ZNF514: variants seen among roughly 807,000 people sequenced by gnomAD.
The protein encoded by ZNF514 is zinc finger protein 514.
In ZNF514, 12 loss-of-function variants were observed where a neutral mutation model predicts 9.7. That is an observed-to-expected ratio of 1.24 (90% CI 0.79 to 2.01). ZNF514 has a LOEUF of 2.01. Among genes scored for constraint, ZNF514 ranks in the 30% most tolerant of loss-of-function variants. ZNF514 has a pLI of 0.00. For missense variants in ZNF514, 467 were observed against 465.5 expected (o/e 1.00, Z -0.03); for synonymous variants, 158 against 163.7 (o/e 0.97, Z 0.27).
the ZNF514 span, among the ~76,000 whole-genome samples, chr2:95,125,995 G>A: frequency 6.6e-6 from 1 of 152,150 alleles, no homozygotes; most frequent in African/African-American, 2.4e-5. Context: ...ATGATTTTGT[G>A]TGGCTATAAG....
chr2:95,141,658 T>G (rs940730167), downstream of ZNF514, among the ~76,000 whole-genome samples: 1 of 152,102 alleles, frequency 6.6e-6, no homozygotes, highest in Non-Finnish European at 1.5e-5. Context: ...ACTGGAAGAG[T>G]CATCCAAGAA....
the ZNF514 span, among the ~76,000 whole-genome samples, chr2:95,136,264 CT>C: frequency 1.9e-4 from 28 of 147,162 alleles, no homozygotes; most frequent in Admixed American, 2.7e-4. Context: ...ATCTACAATG[CT>C]TTTTTTTTTG....
chr2:95,156,852 G>A (rs1354205314), intron 2 of ZNF514, among the ~76,000 whole-genome samples: 2 of 152,124 alleles, frequency 1.3e-5, no homozygotes, highest in African/African-American at 4.8e-5. Flanking sequence ...CAGGGACCCA[G>A]CTTCAAATAG....
At chr2:95,132,344 C>T in the ZNF514 span, among the ~76,000 whole-genome samples, 2 of 152,010 alleles carry the variant, frequency 1.3e-5, no homozygotes, top group African/African-American at 2.4e-5. Context: ...AAAAGATGTA[C>T]AGAAGGCAAA....
the ZNF514 span, among the ~76,000 whole-genome samples, chr2:95,127,589 GTTT>G: frequency 6.6e-6 from 1 of 151,498 alleles, no homozygotes; most frequent in Non-Finnish European, 1.5e-5. Context: ...TTGTTTTTTT[GTTT>G]TTGTTTTTGT....
At position 95,159,590 on chromosome 2, in the gene ZNF514, C is replaced by G. The variant is rs1438365361; in HGVS notation, c.-446G>C. 2 of 126,604 alleles carry G rather than the reference C, an allele frequency of 1.6e-5. No homozygotes were observed. Among genetic ancestry groups the G allele is most frequent in the African/African-American group, 6.0e-5 (2 of 33,394 alleles). 7.8% of individuals were successfully genotyped at this position (126,604 alleles called of 1,614,324 possible). A position where few individuals can be genotyped will look rare whatever the true frequency, so the allele number is the denominator to read the frequency against. On this transcript the variant is annotated 5_prime_UTR_variant, in exon 1 of 5. Transcript: ENST00000295208. ...TCCGAACGCTCACAGGACCAGGCCCCGCCCGCCACCCCGCGCCAGCCCCCG... is the reference window on the plus strand; with the variant it reads ...TCCGAACGCTCACAGGACCAGGCCCGGCCCGCCACCCCGCGCCAGCCCCCG...
downstream of ZNF514, among the ~76,000 whole-genome samples, chr2:95,143,491 T>C (rs1020849778): frequency 6.6e-6 from 1 of 152,056 alleles, no homozygotes; most frequent in Non-Finnish European, 1.5e-5. Context: ...TGGTGGTGCA[T>C]GTCTGTAATC....
At chr2:95,129,951 T>C in the ZNF514 span, among the ~76,000 whole-genome samples, 1 of 152,182 alleles carries the variant, frequency 6.6e-6, no homozygotes, top group Admixed American at 6.5e-5. Context: ...AAGAGACACC[T>C]AAGAGGCCTC....
intron 4 of ZNF514, among the ~76,000 whole-genome samples, chr2:95,150,491 T>C (rs1385809199): frequency 1.3e-5 from 2 of 152,128 alleles, no homozygotes; most frequent in Non-Finnish European, 2.9e-5. Flanking sequence ...ATCTGAGAGA[T>C]ATGTGTTTAG....
Position 95,149,305 on chromosome 2 carries a change from G to A in ZNF514, c.1180C>T (p.His394Tyr). The change falls in exon 5 of 5, where the codon CAT becomes TAT. Residue 394 changes from histidine to tyrosine, a missense_variant. Transcript: ENST00000295208. ...ATTTATAGGGTTTTTTTTCCAGCAT[G>A]ACTTCTCTGATGTTTAATAAGGGAT... ...TASLIKHQRSHAGKKTL is the reference protein window; with the variant it reads ...TASLIKHQRSYAGKKTL 1.3e-6 allele frequency: 2 copies of A among 1,580,090 alleles called. No individual in the cohort carries two copies.
chr2:95,153,403 G>T, intron 2 of ZNF514, 144 bp from the exon 3 acceptor site: 2 of 735,134 alleles, frequency 2.7e-6, no homozygotes, highest in Non-Finnish European at 2.0e-6. Context: ...TTCCTCATTT[G>T]TCAAAAGGTT....
At chr2:95,151,840 T>G (rs1278450679) in intron 4 of ZNF514, among the ~76,000 whole-genome samples, 1 of 152,210 alleles carries the variant, frequency 6.6e-6, no homozygotes, top group Admixed American at 6.5e-5. Context: ...TGTCAGACCC[T>G]TGATCTCATT....
chr2:95,143,579 A>G (rs1673295920), downstream of ZNF514, among the ~76,000 whole-genome samples: 1 of 152,232 alleles, frequency 6.6e-6, no homozygotes, highest in Non-Finnish European at 1.5e-5. Context: ...AGATCGTGCC[A>G]CTGCACTCCA....
At position 95,149,097 on chromosome 2, in the gene ZNF514, AAG is replaced by A. The variant is rs1673443162; in HGVS notation, c.*183_*184del. 1.2e-5 allele frequency: 8 copies of A among 659,808 alleles called. No individual in the cohort carries two copies. Among genetic ancestry groups the A allele is most frequent in the East Asian group, 1.1e-4 (4 of 35,548 alleles). 40.9% of individuals were successfully genotyped at this position (659,808 alleles called of 1,614,324 possible). A position where few individuals can be genotyped will look rare whatever the true frequency, so the allele number is the denominator to read the frequency against. On this transcript the variant is annotated 3_prime_UTR_variant, in exon 5 of 5. Coordinates refer to ENST00000295208, the MANE Select transcript of ZNF514 (RefSeq NM_032788.3). ...TAGTATGGATTCTCCCATGTTTGGT[AAG>A]AGAGGGGAAGCCCACCCCCTCTTGA... is the stretch of plus-strand genomic sequence containing the variant.
the ZNF514 span, among the ~76,000 whole-genome samples, chr2:95,128,687 G>A: frequency 6.6e-6 from 1 of 151,382 alleles, no homozygotes; most frequent in Non-Finnish European, 1.5e-5. Flanking sequence ...TAAGAAGGAG[G>A]AAGAGGAGGA....
At chr2:95,153,406 A>G (rs981387814) in intron 2 of ZNF514, 147 bp from the exon 3 acceptor site, 1 of 712,072 alleles carries the variant, frequency 1.4e-6, no homozygotes, top group South Asian at 4.9e-5. Flanking sequence ...CTCATTTGTC[A>G]AAAGGTTTTA....
the ZNF514 span, among the ~76,000 whole-genome samples, chr2:95,133,169 AT>A: frequency 6.6e-6 from 1 of 152,098 alleles, no homozygotes; most frequent in Non-Finnish European, 1.5e-5. Context: ...ATTATGCTAA[AT>A]GAAAAAAGCC....
the ZNF514 span, among the ~76,000 whole-genome samples, chr2:95,138,925 A>C: frequency 6.6e-6 from 1 of 152,236 alleles, no homozygotes; most frequent in Non-Finnish European, 1.5e-5. Flanking sequence ...GGCCAGGCCC[A>C]TGGCCATGCT....
At chr2:95,133,265 T>C in the ZNF514 span, among the ~76,000 whole-genome samples, 2 of 151,782 alleles carry the variant, frequency 1.3e-5, no homozygotes, top group Non-Finnish European at 2.9e-5. Flanking sequence ...GCCCAGGAGG[T>C]TGATGCTGCA....
Sources: gnomAD v4.1 joint callset for allele counts (sites outside exome capture counted in the v4.1 genomes callset) on GRCh38, gnomAD v4.1.1 for gene constraint, MANE v1.5 for transcripts, NCBI Gene and HGNC (gene_info 2026-07-23, HGNC 2026-07-21) for gene names.